Variants in IST1 observed in about 807,000 individuals in gnomAD.
IST1 encodes the protein IST1 factor associated with ESCRT-III, also known as IST1 homolog.
Under a neutral mutation model 37.0 loss-of-function variants are expected in IST1, and 23 were observed. The ratio of observed to expected loss-of-function variants is 0.62; its 90% confidence interval spans 0.45 to 0.88. The LOEUF (loss-of-function observed/expected upper bound fraction) is 0.88. Ranked by LOEUF, IST1 falls within the 40% of genes least tolerant of loss-of-function variation. The pLI is 0.00. For synonymous variants in IST1, 180 were observed against 161.7 expected (o/e 1.11, Z -0.86); for missense variants, 488 against 445.4 (o/e 1.10, Z -0.86).
upstream of IST1, chr16:71,894,871 A>G: frequency 1.3e-6 from 2 of 1,520,604 alleles, no homozygotes; most frequent in Non-Finnish European, 1.8e-6. Flanking sequence ...AACCAAGGAA[A>G]AAGTTTTCTC....
Position 71,927,938 on chromosome 16 carries a change from G to A in IST1, c.*125G>A, listed in dbSNP as rs1305360915. 4.3e-6 allele frequency: 3 copies of A among 696,546 alleles called. No individual in the cohort carries two copies. In the East Asian group the frequency reaches 7.8e-5, roughly 18 times the overall value. 43.1% of individuals were successfully genotyped at this position (696,546 alleles called of 1,614,324 possible). On this transcript the variant is annotated 3_prime_UTR_variant, in exon 10 of 10. Coordinates refer to ENST00000378799, the MANE Select transcript of IST1 (RefSeq NM_001270975.2). ...CGTCACTCAGCACAACACTCCCTCT[G>A]GGCTCTCTTCCTGCTCCTCCAGATT...
chr16:71,894,971 G>T (rs980581331), upstream of IST1: 6 of 760,080 alleles, frequency 7.9e-6, no homozygotes, highest in Admixed American at 2.4e-5. Context: ...GAGCGATGCT[G>T]GTCCAAAGGG....
chr16:71,926,296 A>G (rs2037741114), intron 9 of IST1, among the ~76,000 whole-genome samples: 1 of 152,046 alleles, frequency 6.6e-6, no homozygotes, highest in Admixed American at 6.5e-5. Context: ...GAATATAAAT[A>G]ATATTAGACA....
Position 71,922,491 on chromosome 16 carries a change from G to T in IST1, c.570G>T (p.Gly190=). ...DSVVMAEAPP[G]VETDLIDVGF... is the part of the protein sequence containing the mutation. Reference sequence around the variant, plus strand: ...TTTCTCAGGCAGAAGCTCCTCCTGGGGTAGAGACAGATCTTATTGATGTTG... The same window carrying T: ...TTTCTCAGGCAGAAGCTCCTCCTGGTGTAGAGACAGATCTTATTGATGTTG... Residue 190 remains glycine, a synonymous_variant, in exon 7 of 10, where the codon GGG becomes GGT. Coordinates refer to ENST00000378799, the MANE Select transcript of IST1 (RefSeq NM_001270975.2). 6.2e-7 allele frequency: 1 copy of T among 1,614,126 alleles called. No homozygotes were observed. Among genetic ancestry groups the T allele is most frequent in the South Asian group, 1.1e-5 (1 of 91,084 alleles).
chr16:71,915,600 A>C, intron 1 of IST1, 26 bp from the exon 2 acceptor site: 1 of 1,522,438 alleles, frequency 6.6e-7, no homozygotes. Context: ...ACTTGAAAAT[A>C]GTCATTGTGC....
intron 1 of IST1, among the ~76,000 whole-genome samples, chr16:71,897,663 A>T (rs968186206): frequency 6.6e-6 from 1 of 152,194 alleles, no homozygotes; most frequent in Non-Finnish European, 1.5e-5. Flanking sequence ...TATTGAGTGG[A>T]GGCCGGGCAC....
At chr16:71,902,178 A>G (rs950897855) in intron 1 of IST1, among the ~76,000 whole-genome samples, 1 of 152,174 alleles carries the variant, frequency 6.6e-6, no homozygotes, top group African/African-American at 2.4e-5. Context: ...TTCATGTAAT[A>G]TTAGTACTGA....
chr16:71,919,447 G>C (rs528888312), intron 4 of IST1, among the ~76,000 whole-genome samples: 2 of 152,196 alleles, frequency 1.3e-5, no homozygotes, highest in Admixed American at 1.3e-4. Context: ...GCAGTGGCAC[G>C]ATCTTGCCTC....
rs775578224 is a variant in IST1, at chr16:71,922,451, C to G, written c.553-23C>G. ...CTGGCCTTGGACATGGGTTAATGACCTGGGTTTCTCTTTTTTTCTCAGGCA... is the reference window on the plus strand; with the variant it reads ...CTGGCCTTGGACATGGGTTAATGACGTGGGTTTCTCTTTTTTTCTCAGGCA... On this transcript the variant is annotated intron_variant, in intron 6 of 9. Coordinates refer to ENST00000378799, the MANE Select transcript of IST1 (RefSeq NM_001270975.2). 7 of 1,604,804 alleles carry G rather than the reference C, an allele frequency of 4.4e-6. No homozygotes were observed. In the African/African-American group the frequency reaches 8.0e-5, roughly 18 times the overall value.
At chr16:71,904,850 CT>C (rs1429474940) in intron 1 of IST1, among the ~76,000 whole-genome samples, 1 of 152,094 alleles carries the variant, frequency 6.6e-6, no homozygotes, top group Non-Finnish European at 1.5e-5. Flanking sequence ...CAATATCTGT[CT>C]TTTAATTGTG....
At chr16:71,895,526 T>C (rs1388033170), upstream of IST1, 2 of 985,334 alleles carry the variant, frequency 2.0e-6, no homozygotes, top group Non-Finnish European at 2.4e-6. Context: ...GCCGAGGGAG[T>C]CGCCATTTTG....
chr16:71,930,069 C>G lies in IST1; in HGVS notation c.*2256C>G, dbSNP rs1567480860. ...TTACCTACCTTAAGCGACTTTCTTT[C>G]TTTTCCAAAGGCCATGAGAATGGCC... On this transcript the variant is annotated 3_prime_UTR_variant, in exon 10 of 10. Coordinates refer to ENST00000378799, the MANE Select transcript of IST1 (RefSeq NM_001270975.2). The G allele has an allele frequency of 6.5e-7, 1 of 1,549,166 alleles. No homozygotes were observed. The highest frequency in any genetic ancestry group is 8.7e-7 in the Non-Finnish European group (1 of 1,146,196).
chr16:71,906,985 G>T (rs1319176535), intron 1 of IST1, among the ~76,000 whole-genome samples: 1 of 152,006 alleles, frequency 6.6e-6, no homozygotes, highest in African/African-American at 2.4e-5. Flanking sequence ...AGCAGAGATC[G>T]TGCCACTACA....
chr16:71,901,222 CTTTTTTTTT>C (rs1698033625), intron 1 of IST1, among the ~76,000 whole-genome samples: 1 of 147,978 alleles, frequency 6.8e-6, no homozygotes, highest in African/African-American at 2.5e-5. Context: ...GGTTTTTTTT[CTTTTTTTTT>C]GAGACGGAAT....
chr16:71,917,001 T>G, intron 3 of IST1, 46 bp from the exon 4 acceptor site: 1 of 1,251,712 alleles, frequency 8.0e-7, no homozygotes, highest in Non-Finnish European at 1.1e-6. Context: ...TAGGATTTTG[T>G]TGGTTTGTTT....
intron 1 of IST1, among the ~76,000 whole-genome samples, chr16:71,897,984 C>G (rs2037014260): frequency 6.6e-6 from 1 of 152,120 alleles, no homozygotes; most frequent in African/African-American, 2.4e-5. Flanking sequence ...GAATATTAGA[C>G]AGCGTTTACT....
rs1264709541 is a variant in IST1 at position 71,924,198 on chromosome 16, T to G, written c.853-571T>G. 6.6e-6 allele frequency: 3 copies of G among 455,760 alleles called. 1 individual carries two copies. In the East Asian group the frequency reaches 2.1e-4, roughly 32 times the overall value. 28.2% of individuals were successfully genotyped at this position (455,760 alleles called of 1,614,324 possible). A position where few individuals can be genotyped will look rare whatever the true frequency, so the allele number is the denominator to read the frequency against. On this transcript the variant is annotated intron_variant, in intron 8 of 9. Coordinates refer to ENST00000378799, the MANE Select transcript of IST1 (RefSeq NM_001270975.2). ...TGAGGTCGAAAATCTTCATCAGTAT[T>G]TGAGGACTTGGTTCTTAAGATATAT...
At chr16:71,913,667 A>G (rs1359288136) in intron 1 of IST1, among the ~76,000 whole-genome samples, 1 of 149,036 alleles carries the variant, frequency 6.7e-6, no homozygotes, top group African/African-American at 2.5e-5. Flanking sequence ...CGCCCGGCTA[A>G]TTTTTGTATT....
intron 9 of IST1, among the ~76,000 whole-genome samples, chr16:71,926,642 G>A (rs971617950): frequency 2.6e-5 from 4 of 152,012 alleles, no homozygotes; most frequent in African/African-American, 9.7e-5. Context: ...CACCACGCCC[G>A]GCAAACCCAT....
Sources: allele counts gnomAD v4.1 joint callset (sites outside exome capture counted in the v4.1 genomes callset), GRCh38; gene constraint gnomAD v4.1.1; transcripts MANE v1.5; gene names NCBI Gene and HGNC (gene_info 2026-07-23, HGNC 2026-07-21).